CD200: variants seen among roughly 807,000 people sequenced by gnomAD.
CD200 encodes the protein OX-2 membrane glycoprotein.
In CD200, 15 loss-of-function variants were observed where a neutral mutation model predicts 30.9. That is an observed-to-expected ratio of 0.49 (90% CI 0.32 to 0.75). CD200 has a LOEUF of 0.75. Ranked by LOEUF, CD200 falls within the 30% of genes least tolerant of loss-of-function variation. CD200 has a pLI of 0.03. For synonymous variants in CD200, 134 were observed against 126.2 expected (o/e 1.06, Z -0.41); for missense variants, 262 against 324.2 (o/e 0.81, Z 1.47).
At chr3:112,343,451 A>T (rs777737133) in intron 2 of CD200, among the ~76,000 whole-genome samples, 3 of 151,950 alleles carry the variant, frequency 2.0e-5, no homozygotes, top group Non-Finnish European at 2.9e-5. Context: ...CTACAAGTAC[A>T]TGACGCTACG....
intron 5 of CD200, among the ~76,000 whole-genome samples, chr3:112,358,504 A>C (rs1425442174): frequency 6.6e-6 from 1 of 152,214 alleles, no homozygotes; most frequent in African/African-American, 2.4e-5. Flanking sequence ...TCTCTTTTTG[A>C]AGAAGAGAAA....
intron 2 of CD200, among the ~76,000 whole-genome samples, chr3:112,342,061 T>G (rs1254909641): frequency 6.6e-6 from 1 of 152,146 alleles, no homozygotes; most frequent in African/African-American, 2.4e-5. Flanking sequence ...TTGTCAACAT[T>G]TTATCCAGAT....
At chr3:112,349,501 G>A (rs144696792) in intron 4 of CD200, among the ~76,000 whole-genome samples, 1,912 of 152,144 alleles carry the variant, frequency 0.013, 13 homozygotes, top group Middle Eastern at 0.024. Context: ...GATTAAATGC[G>A]ATAAGTTTAA....
In CD200 at chr3:112,342,330, T is replaced by TTTCC. The variant is rs1416115460; in HGVS notation, c.94+1350_94+1351insCTTC. Among the ~76,000 whole-genome samples, 23 of 40,152 alleles carry TTTCC rather than the reference T, an allele frequency of 5.7e-4. 4 individuals carry two copies. Among genetic ancestry groups the TTTCC allele is most frequent in the African/African-American group, 3.0e-3 (21 of 6,994 alleles). 26.3% of individuals were successfully genotyped at this position (40,152 alleles called of 152,430 possible). On this transcript the variant is annotated intron_variant, in intron 2 of 5. Transcript: ENST00000315711. ...CCTTTCTTCTTTCTTTCTTTCTTTC[T>TTTCC]TTCTTTCCTTCTTTCTTTCTTTCTT... is the stretch of plus-strand genomic sequence containing the variant.
At chr3:112,358,816 A>G (rs886739525) in intron 5 of CD200, among the ~76,000 whole-genome samples, 5 of 152,108 alleles carry the variant, frequency 3.3e-5, no homozygotes, top group Admixed American at 6.5e-5. Flanking sequence ...TCTCTATTCC[A>G]TATGTTTTAA....
intron 3 of CD200, among the ~76,000 whole-genome samples, chr3:112,346,594 T>G (rs150977150): frequency 2.0e-5 from 3 of 152,216 alleles, no homozygotes; most frequent in Non-Finnish European, 4.4e-5. Flanking sequence ...ATTTCCCTTC[T>G]TCCAGCGCTC....
At chr3:112,342,376 TCTTTCTTTCTTTC>T (rs2081278870) in intron 2 of CD200, among the ~76,000 whole-genome samples, 1 of 47,686 alleles carries the variant, frequency 2.1e-5, no homozygotes, top group East Asian at 6.8e-4. Context: ...TTTCTTTCTT[TCTTTCTTTCTTTC>T]TTTCTTTCTT....
intron 3 of CD200, among the ~76,000 whole-genome samples, chr3:112,345,679 T>A (rs1188286772): frequency 1.3e-5 from 2 of 152,202 alleles, no homozygotes; most frequent in African/African-American, 4.8e-5. Flanking sequence ...ATAGATCATT[T>A]CTAGGGTCAC....
chr3:112,361,532 C>T lies in CD200; in HGVS notation c.803-11C>T. On this transcript the variant is annotated splice_polypyrimidine_tract_variant and intron_variant, in intron 5 of 5. Transcript: ENST00000315711. ...TGTCCAAAGTTAATACCTTGTTTTT[C>T]TTTTATCCAGAGCCCTAAATAAGTC... 6.2e-7 allele frequency: 1 copy of T among 1,602,620 alleles called. No individual in the cohort carries two copies. Among genetic ancestry groups the T allele is most frequent in the African/African-American group, 1.3e-5 (1 of 74,700 alleles).
rs144870272 is a variant in CD200 at position 112,361,818 on chromosome 3, CTTAG to C, written c.*274_*277del. The C allele has an allele frequency of 0.012, 6,324 of 536,680 alleles. 226 individuals carry two copies. Among genetic ancestry groups the C allele is most frequent in the African/African-American group, 0.085 (4,500 of 52,660 alleles). 33.2% of individuals were successfully genotyped at this position (536,680 alleles called of 1,614,324 possible). On this transcript the variant is annotated 3_prime_UTR_variant, in exon 6 of 6. Transcript: ENST00000315711. ...GTTATGTGGTTGAAAGGGCACTGGA[CTTAG>C]TTAGTATCAGGAGCACTGAGCTCAC...
intron 5 of CD200, among the ~76,000 whole-genome samples, chr3:112,350,918 C>A (rs2399420): frequency 0.91 from 137,972 of 152,240 alleles, 62,629 homozygotes; most frequent in Middle Eastern, 0.96. Flanking sequence ...TATAAAACAC[C>A]CAAAAAGCCT....
At chr3:112,338,222 G>A (rs2081162522) in intron 1 of CD200, among the ~76,000 whole-genome samples, 1 of 152,142 alleles carries the variant, frequency 6.6e-6, no homozygotes, top group Non-Finnish European at 1.5e-5. Context: ...CACTTCACAT[G>A]CGAGAATCTA....
intron 5 of CD200, among the ~76,000 whole-genome samples, chr3:112,356,903 A>G (rs1231983926): frequency 6.6e-6 from 1 of 152,224 alleles, no homozygotes; most frequent in East Asian, 1.9e-4. Flanking sequence ...TGGGGATAAT[A>G]ATTGTAACTG....
At chr3:112,349,609 T>A in intron 4 of CD200, 103 bp from the exon 5 acceptor site, 1 of 759,630 alleles carries the variant, frequency 1.3e-6, no homozygotes, top group Non-Finnish European at 2.0e-6. Context: ...AACCTACATA[T>A]GTATGTATTT....
intron 2 of CD200, among the ~76,000 whole-genome samples, chr3:112,343,359 A>G (rs543498681): frequency 6.6e-6 from 1 of 152,222 alleles, no homozygotes; most frequent in Non-Finnish European, 1.5e-5. Flanking sequence ...GCTGGAGTAC[A>G]GTGCTGCAAT....
At chr3:112,349,200 A>G (rs1288365748) in intron 4 of CD200, among the ~76,000 whole-genome samples, 2 of 152,228 alleles carry the variant, frequency 1.3e-5, no homozygotes, top group African/African-American at 2.4e-5. Context: ...TTAAAGACAT[A>G]GATAAGAAGA....
intron 2 of CD200, among the ~76,000 whole-genome samples, chr3:112,342,317 CTTTCTTTCTTTCTTTCT>C (rs1559782917): frequency 0.12 from 4,946 of 41,460 alleles, 703 homozygotes; most frequent in East Asian, 0.19. Flanking sequence ...TTTCTTCTTT[CTTTCTTTCTTTCTTTCT>C]TTCCTTCTTT....
chr3:112,361,785 A>G lies in CD200; in HGVS notation c.*235A>G, dbSNP rs1327535407. 1 of 590,284 alleles carries G rather than the reference A, an allele frequency of 1.7e-6. No individual in the cohort carries two copies. Among genetic ancestry groups the G allele is most frequent in the Non-Finnish European group, 3.0e-6 (1 of 328,222 alleles). The allele number at this position is 590,284 out of a possible 1,614,324, so 36.6% of individuals were successfully genotyped here. ...GTTGTAGGACTTGATTTTGTAAAGC[A>G]ATGCCATGTTATGTGGTTGAAAGGG... On this transcript the variant is annotated 3_prime_UTR_variant, in exon 6 of 6. Coordinates refer to ENST00000315711, the MANE Select transcript of CD200 (RefSeq NM_005944.7).
At chr3:112,353,389 T>G (rs1197550068) in intron 5 of CD200, among the ~76,000 whole-genome samples, 1 of 152,204 alleles carries the variant, frequency 6.6e-6, no homozygotes, top group African/African-American at 2.4e-5. Flanking sequence ...AAAATTTATA[T>G]GCCAAACTTC....
Sources: gnomAD v4.1 joint callset for allele counts (sites outside exome capture counted in the v4.1 genomes callset) on GRCh38, gnomAD v4.1.1 for gene constraint, MANE v1.5 for transcripts, NCBI Gene and HGNC (gene_info 2026-07-23, HGNC 2026-07-21) for gene names.